Variants in LAMA4 observed in about 807,000 individuals in gnomAD.
LAMA4 encodes the protein laminin subunit alpha 4, also known as laminin subunit alpha-4.
A neutral mutation model predicts 207.1 loss-of-function variants in LAMA4; 127 were observed. The observed-to-expected ratio is 0.61, with a 90% CI of 0.53 to 0.71. The LOEUF (loss-of-function observed/expected upper bound fraction) is 0.71. LAMA4 is among the 30% of genes least tolerant of loss of function. The pLI, the probability that LAMA4 is intolerant of heterozygous loss-of-function variation, is 0.00. For missense variants in LAMA4, 2,093 were observed against 2,246.5 expected, an observed-to-expected ratio of 0.93 and a Z score of 1.38; for synonymous variants, 761 against 816.0, an observed-to-expected ratio of 0.93 and a Z score of 1.15.
At chr6:112,140,241 A>G (rs1184099311) in intron 22 of LAMA4, among the ~76,000 whole-genome samples, 3 of 152,168 alleles carry the variant, frequency 2.0e-5, no homozygotes, top group Non-Finnish European at 2.9e-5. Flanking sequence ...TGTGCCCATA[A>G]CTAGTAATAA....
At position 112,169,292 on chromosome 6, in the gene LAMA4, G is replaced by A. The variant is rs188782732; in HGVS notation, c.1551+3319C>T. 4.7e-3 allele frequency among the ~76,000 whole-genome samples: 721 copies of A among 152,278 alleles called. 1 individual carries two copies. The highest frequency in any genetic ancestry group is 8.1e-3 in the Non-Finnish European group (553 of 68,028). On this transcript the variant is annotated intron_variant, in intron 12 of 38. Coordinates refer to ENST00000230538, the MANE Select transcript of LAMA4 (RefSeq NM_001105206.3). ...GCAGGAGGGGCTGACTTAGACCCTGGGGACTTGGAGGGGAGAGGAGAACCC... is the reference window on the plus strand; with the variant it reads ...GCAGGAGGGGCTGACTTAGACCCTGAGGACTTGGAGGGGAGAGGAGAACCC...
At position 112,207,070 on chromosome 6, in the gene LAMA4, C is replaced by A. The variant is rs529185662; in HGVS notation, c.373G>T (p.Ala125Ser). 2.1e-4 allele frequency: 339 copies of A among 1,613,946 alleles called. 2 individuals carry two copies. The South Asian group carries it at 3.6e-3, about 17-fold the overall frequency. ...GGGCACGGCTGGCAGAATTGGGGTG[C>A]TCCCCTGATGGAATCTCCGATATAA... is the stretch of plus-strand genomic sequence containing the variant. Reference protein sequence around the residue: ...DGYIGDSIRGAPQFCQPCPCP... With the variant: ...DGYIGDSIRGSPQFCQPCPCP... Residue 125 changes from alanine to serine, a missense_variant, in exon 4 of 39, where the codon GCA becomes TCA. Transcript: ENST00000230538.
Position 112,237,074 on chromosome 6 carries a change from C to T in LAMA4, c.195+16882G>A, listed in dbSNP as rs554568178. On this transcript the variant is annotated intron_variant, in intron 2 of 38. Transcript: ENST00000230538. ...ACCCACTACCATCCTATCCTCTCTC[C>T]GAAGCTCCTTTGTTGTTGTCCTCAG... 2.4e-4 allele frequency among the ~76,000 whole-genome samples: 37 copies of T among 152,226 alleles called. 1 individual carries two copies. In the South Asian group the frequency reaches 6.2e-3, roughly 26 times the overall value.
At position 112,185,233 on chromosome 6, in the gene LAMA4, G is replaced by A. The variant is rs1192025877; in HGVS notation, c.1077+4C>T. 6.4e-6 allele frequency: 10 copies of A among 1,561,524 alleles called. No individual in the cohort carries two copies. Among genetic ancestry groups the A allele is most frequent in the African/African-American group, 2.7e-5 (2 of 73,756 alleles). On this transcript the variant is annotated splice_donor_region_variant and intron_variant, in intron 9 of 38. Coordinates refer to ENST00000230538, the MANE Select transcript of LAMA4 (RefSeq NM_001105206.3). ...TCCCAGAAACTGAATACATACATAC[G>A]TACCTTTTCAACTAATTCCTCTACG... is the stretch of plus-strand genomic sequence containing the variant.
chr6:112,200,317 C>G (rs1010676319), intron 5 of LAMA4: 1 of 369,282 alleles, frequency 2.7e-6, no homozygotes, highest in Admixed American at 4.0e-5. Flanking sequence ...AAATGCAAAT[C>G]AAAACCACAA....
chr6:112,200,143 A>G, intron 5 of LAMA4: 1 of 533,346 alleles, frequency 1.9e-6, no homozygotes, highest in Non-Finnish European at 3.8e-6. Context: ...CGAGTCATTC[A>G]GTGGAAAGCC....
intron 6 of LAMA4, among the ~76,000 whole-genome samples, chr6:112,189,407 T>A (rs1357499792): frequency 3.3e-5 from 5 of 152,156 alleles, no homozygotes; most frequent in Admixed American, 3.3e-4. Flanking sequence ...CAATGAGATT[T>A]TCAAAGGTGA....
In LAMA4 at chr6:112,254,279, G is replaced by C. The variant is rs1787703452; in HGVS notation, c.-129C>G. On this transcript the variant is annotated 5_prime_UTR_variant, in exon 2 of 39. Transcript: ENST00000230538. ...CCGTGTGCAGTATCCCGAGGTGGCT[G>C]CGCAACCAGCAGCTTAGGAAATAAA... The C allele has an allele frequency of 8.9e-7, 1 of 1,121,338 alleles. No individual in the cohort carries two copies. Among genetic ancestry groups the C allele is most frequent in the Non-Finnish European group, 1.3e-6 (1 of 755,804 alleles). The allele number at this position is 1,121,338 out of a possible 1,614,324, so 69.5% of individuals were successfully genotyped here.
chr6:112,119,647 G>T (rs766482993), intron 33 of LAMA4, among the ~76,000 whole-genome samples: 1 of 152,006 alleles, frequency 6.6e-6, no homozygotes, highest in East Asian at 1.9e-4. Flanking sequence ...TACCACTTCA[G>T]GTATTAGAGG....
At chr6:112,148,071 A>G in intron 18 of LAMA4, 86 bp downstream of exon 18, 1 of 1,363,010 alleles carries the variant, frequency 7.3e-7, no homozygotes, top group Admixed American at 1.7e-5. Context: ...ACCCAAATGA[A>G]GAAAACTGTT....
Position 112,118,203 on chromosome 6 carries a change from C to T in LAMA4, c.4822-305G>A, listed in dbSNP as rs782733672. Reference sequence around the variant, plus strand: ...CATATTTAGAAGTATCCTAGTTTTCCCTCAAGAATGACAGCTGTGCCAAGA... The same window carrying T: ...CATATTTAGAAGTATCCTAGTTTTCTCTCAAGAATGACAGCTGTGCCAAGA... On this transcript the variant is annotated intron_variant, in intron 34 of 38. Transcript: ENST00000230538. The surrounding 1 kb of genome is among the most constrained non-coding windows in gnomAD (Gnocchi z 4.6). Among the ~76,000 whole-genome samples the T allele has an allele frequency of 6.6e-6, 1 of 152,142 alleles. No individual in the cohort carries two copies. Among genetic ancestry groups the T allele is most frequent in the Non-Finnish European group, 1.5e-5 (1 of 68,024 alleles).
chr6:112,216,314 C>G, intron 3 of LAMA4, 54 bp downstream of exon 3: 3 of 1,160,184 alleles, frequency 2.6e-6, no homozygotes, highest in South Asian at 1.2e-5. Flanking sequence ...TATCTTCACC[C>G]AAGATGCAAA....
rs782731880 is a variant in LAMA4, at chr6:112,179,913, C to T, written c.1078-1681G>A. 3 of 532,906 alleles carry T rather than the reference C, an allele frequency of 5.6e-6. No individual in the cohort carries two copies. In the African/African-American group the frequency reaches 5.8e-5, roughly 10 times the overall value. The allele number at this position is 532,906 out of a possible 1,614,324, so 33.0% of individuals were successfully genotyped here. A position where few individuals can be genotyped will look rare whatever the true frequency, so the allele number is the denominator to read the frequency against. On this transcript the variant is annotated intron_variant, in intron 9 of 38. Transcript: ENST00000230538. ...TGTCTTCTGAGTCATTATACTCCTT[C>T]CTGCAATTCCAGTCTTCTTCTTGGC...
At chr6:112,165,536 A>G (rs1425058028) in intron 12 of LAMA4, among the ~76,000 whole-genome samples, 1 of 152,228 alleles carries the variant, frequency 6.6e-6, no homozygotes, top group Non-Finnish European at 1.5e-5. Context: ...TTTCAAAGAG[A>G]GCTAGCGCCT....
intron 2 of LAMA4, among the ~76,000 whole-genome samples, chr6:112,229,560 C>T (rs1158020354): frequency 6.6e-6 from 1 of 152,112 alleles, no homozygotes; most frequent in Admixed American, 6.5e-5. Flanking sequence ...AACAAAATTT[C>T]GCATGGTCTC....
In LAMA4 at chr6:112,183,712, A is replaced by T. The variant is rs941313197; in HGVS notation, c.1077+1525T>A. 3.3e-5 allele frequency among the ~76,000 whole-genome samples: 5 copies of T among 152,102 alleles called. No homozygotes were observed. The East Asian group carries it at 7.7e-4, about 23-fold the overall frequency. ...ATGCCTGTAATCCTAGCACTTTGGG[A>T]GGCTGAGGTGAGCTGATCACCTGAG... On this transcript the variant is annotated intron_variant, in intron 9 of 38. Coordinates refer to ENST00000230538, the MANE Select transcript of LAMA4 (RefSeq NM_001105206.3).
At chr6:112,162,487 TA>T (rs1392739633) in intron 13 of LAMA4, among the ~76,000 whole-genome samples, 2 of 151,034 alleles carry the variant, frequency 1.3e-5, no homozygotes, top group African/African-American at 2.4e-5. Context: ...AAAATAACAA[TA>T]AAAAAATAAA....
In LAMA4 at chr6:112,114,814, A is replaced by G. The variant is rs1292428647; in HGVS notation, c.5113-58T>C. The G allele has an allele frequency of 5.0e-6, 6 of 1,200,422 alleles. No individual in the cohort carries two copies. In the Admixed American group the frequency reaches 5.1e-5, roughly 10 times the overall value. 74.4% of individuals were successfully genotyped at this position (1,200,422 alleles called of 1,614,324 possible). ...TTTGTCCTCATTGTGATAAAACTGA[A>G]TTTCTTAAATAATTTACCACAGTGA... On this transcript the variant is annotated intron_variant, in intron 36 of 38. Coordinates refer to ENST00000230538, the MANE Select transcript of LAMA4 (RefSeq NM_001105206.3).
At chr6:112,130,851 C>G in intron 29 of LAMA4, 117 bp downstream of exon 29, 1 of 1,042,274 alleles carries the variant, frequency 9.6e-7, no homozygotes, top group Non-Finnish European at 1.5e-6. Flanking sequence ...TTCCTTCTAG[C>G]ATTTTTGTTT....
Sources: allele counts gnomAD v4.1 joint callset (sites outside exome capture counted in the v4.1 genomes callset), GRCh38; gene constraint gnomAD v4.1.1; non-coding constraint Gnocchi (gnomAD v3.1); transcripts MANE v1.5; gene names NCBI Gene and HGNC (gene_info 2026-07-23, HGNC 2026-07-21).